Variants in CAMKMT observed in about 807,000 individuals in gnomAD.
The protein encoded by CAMKMT is calmodulin-lysine N-methyltransferase.
Under a neutral mutation model 48.0 loss-of-function variants are expected in CAMKMT, and 53 were observed. The observed-to-expected ratio is 1.10, with a 90% CI of 0.89 to 1.39. The LOEUF (loss-of-function observed/expected upper bound fraction) is 1.39. Ranked by LOEUF, CAMKMT falls within the 40% of genes most tolerant of loss-of-function variation. The pLI is 0.00. For synonymous variants in CAMKMT, 165 were observed against 152.3 expected, an observed-to-expected ratio of 1.08 and a Z score of -0.61; for missense variants, 428 against 402.7, an observed-to-expected ratio of 1.06 and a Z score of -0.54.
Position 44,724,389 on chromosome 2 carries a change from A to T in CAMKMT, c.623+9036A>T, listed in dbSNP as rs533600392. ...ATGACCCATCATCACCTGTAGTGCT[A>T]ATTTTAAAAACAGGTTTCCAGACAT... On this transcript the variant is annotated intron_variant, in intron 7 of 10. Transcript: ENST00000378494. Among the ~76,000 whole-genome samples, 18 of 152,306 alleles carry T rather than the reference A, an allele frequency of 1.2e-4. No homozygotes were observed. The South Asian group carries it at 3.5e-3, about 30-fold the overall frequency.
chr2:44,552,859 A>G, intron 3 of CAMKMT, among the ~76,000 whole-genome samples: 1 of 152,170 alleles, frequency 6.6e-6, no homozygotes. Context: ...GGATAAGTTT[A>G]TGTCATTTAG....
rs760995014 is a variant in CAMKMT at position 44,707,429 on chromosome 2, C to G, written c.523C>G (p.Leu175Val). The change falls in exon 6 of 11, where the codon CTG becomes GTG. Residue 175 changes from leucine to valine, a missense_variant. Transcript: ENST00000378494. ...VAISADVKEV[L>V]LTDGNEKAIR... ...TATTTCTGCAGATGTCAAAGAAGTT[C>G]TGTTAACTGATGGGAATGAAAAGGC... 61 of 1,611,554 alleles carry G rather than the reference C, an allele frequency of 3.8e-5. 1 individual carries two copies. In the Admixed American group the frequency reaches 7.2e-4, roughly 19 times the overall value.
intron 3 of CAMKMT, among the ~76,000 whole-genome samples, chr2:44,452,251 A>G (rs1667331788): frequency 1.3e-5 from 2 of 152,000 alleles, no homozygotes; most frequent in Non-Finnish European, 2.9e-5. Flanking sequence ...TTAACATAGA[A>G]TGAATATGCT....
At chr2:44,722,290 A>G (rs1678513139) in intron 7 of CAMKMT, among the ~76,000 whole-genome samples, 1 of 150,416 alleles carries the variant, frequency 6.6e-6, no homozygotes, top group Non-Finnish European at 1.5e-5. Flanking sequence ...AACTATATTT[A>G]ACCTCTTGAG....
intron 3 of CAMKMT, among the ~76,000 whole-genome samples, chr2:44,471,335 A>AT (rs1383872295): frequency 2.0e-5 from 3 of 152,172 alleles, no homozygotes; most frequent in South Asian, 2.1e-4. Flanking sequence ...CTTTAAAAAC[A>AT]TTTTTTTATA....
At chr2:44,432,362 C>A (rs1204381669) in intron 3 of CAMKMT, among the ~76,000 whole-genome samples, 1 of 152,098 alleles carries the variant, frequency 6.6e-6, no homozygotes, top group East Asian at 1.9e-4. Context: ...ACTCTCAACC[C>A]CTGACCAGCC....
intron 3 of CAMKMT, among the ~76,000 whole-genome samples, chr2:44,498,519 C>G (rs937497685): frequency 1.3e-5 from 2 of 152,170 alleles, no homozygotes; most frequent in African/African-American, 4.8e-5. Context: ...AGGAGATGCT[C>G]TTTCTTTTGT....
chr2:44,449,772 A>C (rs1667193990), intron 3 of CAMKMT, among the ~76,000 whole-genome samples: 1 of 152,156 alleles, frequency 6.6e-6, no homozygotes, highest in African/African-American at 2.4e-5. Context: ...TAACACTTTC[A>C]CAAGTAAAAG....
Position 44,421,968 on chromosome 2 carries a change from G to A in CAMKMT, c.376+31663G>A, listed in dbSNP as rs555246080. The stretch of plus-strand genomic sequence containing the variant: ...GAAAATGGGACTTGGGAAATAAAGA[G>A]GAACCAAGGCAGGCTAGGCCCAGGA... On this transcript the variant is annotated intron_variant, in intron 3 of 10. Coordinates refer to ENST00000378494, the MANE Select transcript of CAMKMT (RefSeq NM_024766.5). Among the ~76,000 whole-genome samples the A allele has an allele frequency of 3.3e-5, 5 of 152,334 alleles. No individual in the cohort carries two copies. The East Asian group carries it at 9.6e-4, about 29-fold the overall frequency.
At chr2:44,383,509 A>T (rs1049052688) in intron 2 of CAMKMT, among the ~76,000 whole-genome samples, 2 of 151,874 alleles carry the variant, frequency 1.3e-5, no homozygotes, top group African/African-American at 4.8e-5. Context: ...TCCATAAGTT[A>T]TTGGGGTATA....
intron 1 of CAMKMT, among the ~76,000 whole-genome samples, chr2:44,370,201 CTA>C (rs1234532035): frequency 0.027 from 4,046 of 152,266 alleles, 201 homozygotes; most frequent in African/African-American, 0.093. Context: ...TAGTAGGTAT[CTA>C]TCCCATAGTG....
chr2:44,505,401 G>C (rs1028450321), intron 3 of CAMKMT, among the ~76,000 whole-genome samples: 2 of 152,130 alleles, frequency 1.3e-5, no homozygotes, highest in African/African-American at 4.8e-5. Context: ...TTTTGATGAA[G>C]TCCAATTTAT....
chr2:44,593,337 A>T (rs1275233062), intron 3 of CAMKMT, among the ~76,000 whole-genome samples: 1 of 152,154 alleles, frequency 6.6e-6, no homozygotes, highest in Non-Finnish European at 1.5e-5. Flanking sequence ...GTTTTCTCAG[A>T]TACATGTGCT....
intron 3 of CAMKMT, among the ~76,000 whole-genome samples, chr2:44,466,864 G>A (rs552780148): frequency 6.6e-6 from 1 of 152,192 alleles, no homozygotes; most frequent in South Asian, 2.1e-4. Flanking sequence ...GACTATAAGA[G>A]ACTACTATGA....
intron 3 of CAMKMT, among the ~76,000 whole-genome samples, chr2:44,468,297 A>G (rs979780214): frequency 1.3e-5 from 2 of 152,232 alleles, no homozygotes; most frequent in African/African-American, 4.8e-5. Flanking sequence ...AACCATGATG[A>G]TATATCATCT....
At chr2:44,596,417 C>T (rs1020943759) in intron 3 of CAMKMT, among the ~76,000 whole-genome samples, 2 of 151,554 alleles carry the variant, frequency 1.3e-5, no homozygotes, top group African/African-American at 2.4e-5. Context: ...CCACTGCACT[C>T]CAGGCTGGGT....
intron 7 of CAMKMT, among the ~76,000 whole-genome samples, chr2:44,742,595 C>G (rs1368582835): frequency 6.6e-6 from 1 of 152,120 alleles, no homozygotes; most frequent in Non-Finnish European, 1.5e-5. Flanking sequence ...TGCTGCCCAG[C>G]GTGTGTAGGT....
At chr2:44,729,500 A>C (rs998570011) in intron 7 of CAMKMT, among the ~76,000 whole-genome samples, 10 of 152,350 alleles carry the variant, frequency 6.6e-5, no homozygotes, top group African/African-American at 2.4e-4. Flanking sequence ...AAGCATTTCA[A>C]GGAGAGTGTG....
intron 3 of CAMKMT, among the ~76,000 whole-genome samples, chr2:44,405,908 A>G (rs981660190): frequency 1.3e-5 from 2 of 152,194 alleles, no homozygotes; most frequent in Admixed American, 6.5e-5. Flanking sequence ...TTGGCCTTTT[A>G]TATATTAATT....
Sources: gnomAD v4.1 joint callset for allele counts (sites outside exome capture counted in the v4.1 genomes callset) on GRCh38, gnomAD v4.1.1 for gene constraint, MANE v1.5 for transcripts, NCBI Gene and HGNC (gene_info 2026-07-23, HGNC 2026-07-21) for gene names.